AKT2: variants seen among roughly 807,000 people sequenced by gnomAD.
AKT2 encodes the protein RAC-beta serine/threonine-protein kinase.
A neutral mutation model predicts 58.6 loss-of-function variants in AKT2; 16 were observed. The ratio of observed to expected loss-of-function variants is 0.27; its 90% confidence interval spans 0.18 to 0.41. The LOEUF (loss-of-function observed/expected upper bound fraction) is 0.41. Ranked by LOEUF, AKT2 falls within the 10% of genes least tolerant of loss-of-function variation. The pLI is 1.00. For synonymous variants in AKT2, 253 were observed against 254.0 expected (o/e 1.00, Z 0.04); for missense variants, 438 against 661.0 (o/e 0.66, Z 3.70).
chr19:40,267,488 C>G (rs1600091143), intron 1 of AKT2, among the ~76,000 whole-genome samples: 1 of 152,176 alleles, frequency 6.6e-6, no homozygotes, highest in Non-Finnish European at 1.5e-5. Context: ...TCCTTGAGGT[C>G]TCAGCTAAAC....
intron 4 of AKT2, among the ~76,000 whole-genome samples, chr19:40,245,472 G>C (rs1023866568): frequency 3.9e-5 from 6 of 152,116 alleles, no homozygotes; most frequent in Non-Finnish European, 7.3e-5. Context: ...GCTCACATAG[G>C]CACAAACATC....
intron 1 of AKT2, among the ~76,000 whole-genome samples, chr19:40,284,493 C>T (rs1231231708): frequency 2.0e-5 from 3 of 152,086 alleles, no homozygotes; most frequent in Non-Finnish European, 4.4e-5. Context: ...TTAAGAAGTT[C>T]AATAAAGGCT....
At chr19:40,277,209 A>G (rs2145422855) in intron 1 of AKT2, among the ~76,000 whole-genome samples, 1 of 152,294 alleles carries the variant, frequency 6.6e-6, no homozygotes, top group African/African-American at 2.4e-5. Context: ...AGTGGCAGCT[A>G]ATGTTACTGC....
rs1048317051 is a variant in AKT2 at position 40,242,025 on chromosome 19, G to T, written c.486C>A (p.Thr162=). ...CCCGCACCAGGATGACTTTGCCAAA[G>T]GTTCCCTTGCCAAGGAGTTTGAGAT... ...FDYLKLLGKG[T]FGKVILVREK... is the part of the protein sequence containing the mutation. Residue 162 remains threonine, a synonymous_variant, in exon 6 of 14, where the codon ACC becomes ACA. Transcript: ENST00000392038. The surrounding 1 kb of genome is among the most constrained non-coding windows in gnomAD (Gnocchi z 4.3). The T allele has an allele frequency of 1.9e-6, 3 of 1,614,248 alleles. No individual in the cohort carries two copies. The highest frequency in any genetic ancestry group is 2.5e-6 in the Non-Finnish European group (3 of 1,180,050).
chr19:40,282,121 G>A (rs921284786), intron 1 of AKT2: 6 of 200,484 alleles, frequency 3.0e-5, no homozygotes, highest in African/African-American at 1.4e-4. Flanking sequence ...CTGGGGAGCT[G>A]GATCCCGGAA....
Position 40,238,791 on chromosome 19 carries a change from A to G in AKT2, c.708+114T>C, listed in dbSNP as rs1314075317. 2 of 1,134,166 alleles carry G rather than the reference A, an allele frequency of 1.8e-6. No homozygotes were observed. Among genetic ancestry groups the G allele is most frequent in the South Asian group, 1.2e-5 (1 of 81,062 alleles). 70.3% of individuals were successfully genotyped at this position (1,134,166 alleles called of 1,614,324 possible). On this transcript the variant is annotated intron_variant, in intron 8 of 13. Transcript: ENST00000392038. The surrounding 1 kb of genome is among the most constrained non-coding windows in gnomAD (Gnocchi z 5.1). ...GCCTGCCTCAAGGGAGAGGGGCACT[A>G]GATGACACTGAAATTTCCCTCCACC...
chr19:40,241,590 G>T (rs1974408617), intron 6 of AKT2: 4 of 335,684 alleles, frequency 1.2e-5, no homozygotes, highest in South Asian at 6.3e-5. Context: ...TCCACTCCTG[G>T]CCCGGCCTCC....
intron 4 of AKT2, among the ~76,000 whole-genome samples, chr19:40,252,099 T>C (rs1229986829): frequency 6.6e-6 from 1 of 152,038 alleles, no homozygotes; most frequent in Non-Finnish European, 1.5e-5. Flanking sequence ...CAACAAGCAG[T>C]CACCGACTGG....
intron 1 of AKT2, 48 bp from the exon 2 acceptor site, chr19:40,265,399 C>T: frequency 6.5e-7 from 1 of 1,528,340 alleles, no homozygotes; most frequent in Middle Eastern, 2.3e-4. Context: ...GATTCCACAC[C>T]AGCCCCTTCC....
Position 40,242,982 on chromosome 19 carries a change from A to G in AKT2, c.288-295T>C, listed in dbSNP as rs1302230654. On this transcript the variant is annotated intron_variant, in intron 4 of 13. Transcript: ENST00000392038. The surrounding 1 kb of genome is among the most constrained non-coding windows in gnomAD (Gnocchi z 4.3). The stretch of plus-strand genomic sequence containing the variant: ...GCCAACATGGTGAAACCCCGTCTCT[A>G]CTAAAAATACAAAAATTAGTCAGGG... 5.2e-6 allele frequency: 2 copies of G among 386,390 alleles called. No homozygotes were observed. Among genetic ancestry groups the G allele is most frequent in the Admixed American group, 7.3e-5 (2 of 27,400 alleles). 23.9% of individuals were successfully genotyped at this position (386,390 alleles called of 1,614,324 possible). A position where few individuals can be genotyped will look rare whatever the true frequency, so the allele number is the denominator to read the frequency against.
At chr19:40,255,459 A>C (rs1410870751) in intron 3 of AKT2, among the ~76,000 whole-genome samples, 190 bp from the exon 4 acceptor site, 1 of 151,950 alleles carries the variant, frequency 6.6e-6, no homozygotes, top group Non-Finnish European at 1.5e-5. Flanking sequence ...GTGTGGAAGG[A>C]GAGAAGCCCA....
rs200787904 is a variant in AKT2, at chr19:40,237,913, G to A, written c.831+56C>T. On this transcript the variant is annotated intron_variant, in intron 9 of 13. Transcript: ENST00000392038. The surrounding 1 kb of genome is among the most constrained non-coding windows in gnomAD (Gnocchi z 4.5). Reference sequence around the variant, plus strand: ...AAGCTCAGCCCAACTTCCCCAGTGTGAGTCCCATGTGGTGTGCATGCCACA... The same window carrying A: ...AAGCTCAGCCCAACTTCCCCAGTGTAAGTCCCATGTGGTGTGCATGCCACA... The A allele has an allele frequency of 3.1e-6, 5 of 1,606,842 alleles. No individual in the cohort carries two copies. The East Asian group carries it at 1.1e-4, about 36-fold the overall frequency.
Position 40,233,896 on chromosome 19 carries a change from G to C in AKT2, c.1422C>G (p.Ser474=). ...LDQRTHFPQF[S]YSASIRE is the part of the protein sequence containing the mutation. Reference sequence around the variant, plus strand: ...CTCACTCGCGGATGCTGGCCGAGTAGGAGAACTGGGGGAAGTGGGTCCGCT... The same window carrying C: ...CTCACTCGCGGATGCTGGCCGAGTACGAGAACTGGGGGAAGTGGGTCCGCT... The change falls in exon 14 of 14, where the codon TCC becomes TCG. Residue 474 remains serine (S), a synonymous_variant. Coordinates refer to ENST00000392038, the MANE Select transcript of AKT2 (RefSeq NM_001626.6). This position sits in a 1 kb window ranked among gnomAD's most constrained non-coding sequence, Gnocchi z 4.3. 1 of 1,611,984 alleles carries C rather than the reference G, an allele frequency of 6.2e-7. No individual in the cohort carries two copies.
Position 40,236,050 on chromosome 19 carries a change from C to T in AKT2, c.1015G>A (p.Val339Ile). The T allele has an allele frequency of 1.2e-6, 2 of 1,614,118 alleles. No individual in the cohort carries two copies. Among genetic ancestry groups the T allele is most frequent in the Non-Finnish European group, 1.7e-6 (2 of 1,180,008 alleles). The change falls in exon 11 of 14, where the codon GTC (valine) becomes ATC (isoleucine). Residue 339 changes from valine to isoleucine, a missense_variant. By Grantham distance (29) the Val-to-Ile change is conservative. Transcript: ENST00000392038. ...RAVDWWGLGV[V>I]MYEMMCGRLP... ...CGGCCGCACATCATCTCGTACATGA[C>T]CACACCCAGCCCCCACCAGTCCACG...
intron 1 of AKT2, among the ~76,000 whole-genome samples, chr19:40,267,962 G>A (rs1976483098): frequency 6.6e-6 from 1 of 152,206 alleles, no homozygotes; most frequent in South Asian, 2.1e-4. Flanking sequence ...AACACATGAG[G>A]AAATGTATTT....
chr19:40,248,720 G>C (rs1429756088), intron 4 of AKT2, among the ~76,000 whole-genome samples: 1 of 152,074 alleles, frequency 6.6e-6, no homozygotes, highest in East Asian at 1.9e-4. Flanking sequence ...GAGAGGAGTG[G>C]AGGAGATGAG....
At chr19:40,262,979 G>C (rs1043744450) in intron 2 of AKT2, among the ~76,000 whole-genome samples, 17 of 152,232 alleles carry the variant, frequency 1.1e-4, no homozygotes, top group African/African-American at 4.1e-4. Flanking sequence ...GCCCAAGAGT[G>C]CAGGTGTGCA....
chr19:40,251,163 C>T (rs1391966802), intron 4 of AKT2, among the ~76,000 whole-genome samples: 3 of 151,438 alleles, frequency 2.0e-5, no homozygotes, highest in African/African-American at 4.9e-5. Context: ...ATGATTGCAC[C>T]GCTGCACTCC....
At chr19:40,247,365 C>T (rs1333241374) in intron 4 of AKT2, among the ~76,000 whole-genome samples, 1 of 152,210 alleles carries the variant, frequency 6.6e-6, no homozygotes, top group Admixed American at 6.5e-5. Context: ...TCTCAAGAGC[C>T]AGCATTTCTG....
Sources: allele counts gnomAD v4.1 joint callset (sites outside exome capture counted in the v4.1 genomes callset), GRCh38; gene constraint gnomAD v4.1.1; non-coding constraint Gnocchi (gnomAD v3.1); transcripts MANE v1.5; gene names NCBI Gene and HGNC (gene_info 2026-07-23, HGNC 2026-07-21).